The following GALNT13 variants were observed in gnomAD, a reference collection of about 807,000 sequenced individuals.
The protein encoded by GALNT13 is polypeptide N-acetylgalactosaminyltransferase 13.
Under a neutral mutation model 64.2 loss-of-function variants are expected in GALNT13, and 28 were observed. That is an observed-to-expected ratio of 0.44 (90% CI 0.32 to 0.60). The LOEUF is 0.60. Ranked by LOEUF, GALNT13 falls within the 20% of genes least tolerant of loss-of-function variation. The probability of loss-of-function intolerance (pLI) is 0.05; values close to 1 mark genes in which losing one functional copy is unlikely to be tolerated. For missense variants in GALNT13, 577 were observed against 669.8 expected, an observed-to-expected ratio of 0.86 and a Z score of 1.53; for synonymous variants, 214 against 224.6, an observed-to-expected ratio of 0.95 and a Z score of 0.42.
At chr2:153,157,553 T>A in the GALNT13 span, among the ~76,000 whole-genome samples, 10 of 152,214 alleles carry the variant, frequency 6.6e-5, no homozygotes, top group Non-Finnish European at 1.5e-5. Context: ...CATTGGAAAT[T>A]TTCTTGGGAC....
In GALNT13 at chr2:154,287,168, C is replaced by T. The variant is rs1016301042; in HGVS notation, c.976-14241C>T. ...GTTCACAGAAGCGGTGGAAGCCAAA[C>T]AATTGGCTCAGCAGGAAGCAGAGAG... On this transcript the variant is annotated intron_variant, in intron 8 of 12. Coordinates refer to ENST00000392825, the MANE Select transcript of GALNT13 (RefSeq NM_052917.4). 17 of 1,477,988 alleles carry T rather than the reference C, an allele frequency of 1.2e-5. No individual in the cohort carries two copies. In the Admixed American group the frequency reaches 1.5e-4, roughly 13 times the overall value. 91.6% of individuals were successfully genotyped at this position (1,477,988 alleles called of 1,614,324 possible).
chr2:154,436,489 A>T lies in GALNT13; in HGVS notation c.1396-2103A>T, dbSNP rs1195254489. 2.0e-5 allele frequency: 3 copies of T among 152,216 alleles called. No individual in the cohort carries two copies. In the East Asian group the frequency reaches 5.8e-4, roughly 29 times the overall value. The allele number at this position is 152,216 out of a possible 1,614,324, so 9.4% of individuals were successfully genotyped here. On this transcript the variant is annotated intron_variant, in intron 11 of 12. Transcript: ENST00000392825. Reference sequence around the variant, plus strand: ...TTATGATGTTTCCTTTTACACTGGCATTTGTACACTTTAAAAGGAAGCAAT... The same window carrying T: ...TTATGATGTTTCCTTTTACACTGGCTTTTGTACACTTTAAAAGGAAGCAAT...
chr2:154,287,181 A>T lies in GALNT13; in HGVS notation c.976-14228A>T. Reference sequence around the variant, plus strand: ...GTGGAAGCCAAACAATTGGCTCAGCAGGAAGCAGAGAGGGCCAGATTTGTG... The same window carrying T: ...GTGGAAGCCAAACAATTGGCTCAGCTGGAAGCAGAGAGGGCCAGATTTGTG... On this transcript the variant is annotated intron_variant, in intron 8 of 12. Coordinates refer to ENST00000392825, the MANE Select transcript of GALNT13 (RefSeq NM_052917.4). The T allele has an allele frequency of 2.0e-6, 3 of 1,483,158 alleles. No homozygotes were observed. The South Asian group carries it at 3.4e-5, about 17-fold the overall frequency. The allele number at this position is 1,483,158 out of a possible 1,614,324, so 91.9% of individuals were successfully genotyped here.
At chr2:153,897,920 C>T (rs1330338806) in intron 1 of GALNT13, among the ~76,000 whole-genome samples, 1 of 147,224 alleles carries the variant, frequency 6.8e-6, no homozygotes, top group Non-Finnish European at 1.5e-5. Flanking sequence ...GCCTTACTTG[C>T]TTTTCTTCCA....
chr2:153,564,594 G>GC, the GALNT13 span, among the ~76,000 whole-genome samples: 481 of 142,194 alleles, frequency 3.4e-3, 1 homozygote, highest in African/African-American at 0.012. Context: ...ATGAGGATTA[G>GC]TTTTTTTTTT....
chr2:153,231,658 G>T, the GALNT13 span, among the ~76,000 whole-genome samples: 1 of 151,990 alleles, frequency 6.6e-6, no homozygotes, highest in Non-Finnish European at 1.5e-5. Flanking sequence ...CAGCTGTTAC[G>T]TTTATTTTTT....
chr2:154,340,380 G>A (rs1030000243), intron 9 of GALNT13, among the ~76,000 whole-genome samples: 4 of 152,030 alleles, frequency 2.6e-5, no homozygotes, highest in African/African-American at 9.7e-5. Flanking sequence ...GCATGCCACT[G>A]TGCCTGGCCC....
At chr2:154,120,774 C>G (rs1347512157) in intron 3 of GALNT13, among the ~76,000 whole-genome samples, 1 of 152,138 alleles carries the variant, frequency 6.6e-6, no homozygotes, top group African/African-American at 2.4e-5. Flanking sequence ...TTTTTGAAGG[C>G]AACTAGGTCA....
chr2:153,371,189 A>C, the GALNT13 span: 4 of 152,252 alleles, frequency 2.6e-5, no homozygotes, highest in Admixed American at 6.5e-5. Flanking sequence ...AAAGGGACTT[A>C]TCCTAATACG....
intron 3 of GALNT13, among the ~76,000 whole-genome samples, chr2:154,045,425 CG>C (rs1699226586): frequency 6.6e-6 from 1 of 152,176 alleles, no homozygotes; most frequent in Non-Finnish European, 1.5e-5. Context: ...TTTACTGACA[CG>C]AAATGCTCTT....
intron 1 of GALNT13, among the ~76,000 whole-genome samples, chr2:153,889,812 T>C (rs533539903): frequency 2.0e-5 from 3 of 152,152 alleles, no homozygotes; most frequent in Admixed American, 6.6e-5. Flanking sequence ...ACTATGTAAA[T>C]GCAAGATCAG....
At chr2:153,377,744 T>C in the GALNT13 span, among the ~76,000 whole-genome samples, 1 of 152,082 alleles carries the variant, frequency 6.6e-6, no homozygotes, top group Non-Finnish European at 1.5e-5. Context: ...TATTCCTTTA[T>C]AGCAACAGAA....
the GALNT13 span, among the ~76,000 whole-genome samples, chr2:153,274,589 T>C: frequency 1.3e-5 from 2 of 152,192 alleles, no homozygotes; most frequent in African/African-American, 4.8e-5. Flanking sequence ...GACTTCTCTA[T>C]ATCTTGGAAC....
chr2:154,072,821 G>T (rs1378648580), intron 3 of GALNT13, among the ~76,000 whole-genome samples: 1 of 151,922 alleles, frequency 6.6e-6, no homozygotes, highest in Non-Finnish European at 1.5e-5. Flanking sequence ...GGAACACAAA[G>T]AATTAAATGA....
At chr2:153,277,699 G>T in the GALNT13 span, among the ~76,000 whole-genome samples, 1 of 151,886 alleles carries the variant, frequency 6.6e-6, no homozygotes. Context: ...TTTCTCAGCA[G>T]CCTCACCAGC....
At chr2:153,650,246 G>C in the GALNT13 span, among the ~76,000 whole-genome samples, 1 of 151,988 alleles carries the variant, frequency 6.6e-6, no homozygotes, top group Admixed American at 6.6e-5. Context: ...TTTGATCTTT[G>C]TTGGTTTAAA....
At chr2:154,006,172 C>T (rs1340108209) in intron 3 of GALNT13, among the ~76,000 whole-genome samples, 1 of 152,050 alleles carries the variant, frequency 6.6e-6, no homozygotes, top group African/African-American at 2.4e-5. Flanking sequence ...TTCTTAATTA[C>T]CAAAACTCAT....
intron 9 of GALNT13, among the ~76,000 whole-genome samples, chr2:154,373,179 C>G (rs561327661): frequency 2.0e-5 from 3 of 152,162 alleles, no homozygotes; most frequent in African/African-American, 7.2e-5. Flanking sequence ...ACCTTCAACA[C>G]TTATTTATTC....
chr2:153,627,408 T>C, the GALNT13 span, among the ~76,000 whole-genome samples: 11 of 152,218 alleles, frequency 7.2e-5, no homozygotes, highest in Admixed American at 1.3e-4. Context: ...ATATCTGTCT[T>C]GGGTTTGTAA....
Sources: allele counts gnomAD v4.1 joint callset (sites outside exome capture counted in the v4.1 genomes callset), GRCh38; gene constraint gnomAD v4.1.1; transcripts MANE v1.5; gene names NCBI Gene and HGNC (gene_info 2026-07-23, HGNC 2026-07-21).